FXR1: variants seen among roughly 807,000 people sequenced by gnomAD.
The protein encoded by FXR1 is RNA-binding protein FXR1.
In FXR1, 15 loss-of-function variants were observed where a neutral mutation model predicts 84.0. The observed-to-expected ratio is 0.18, with a 90% confidence interval of 0.12 to 0.27. The LOEUF is 0.27. Ranked by LOEUF, FXR1 falls within the 10% of genes least tolerant of loss-of-function variation. The pLI is 1.00. For missense variants in FXR1, 480 were observed against 774.4 expected, an observed-to-expected ratio of 0.62 and a Z score of 4.51; for synonymous variants, 245 against 250.7, an observed-to-expected ratio of 0.98 and a Z score of 0.21.
At chr3:180,960,222 T>C (rs150054430) in intron 10 of FXR1, among the ~76,000 whole-genome samples, 70 of 152,368 alleles carry the variant, frequency 4.6e-4, no homozygotes, top group Middle Eastern at 6.8e-3. Flanking sequence ...TTTACTTGAA[T>C]ACCTCTACGT....
Position 180,961,448 on chromosome 3 carries a change from T to A in FXR1, c.991-20T>A. ...TGTTAAAATATTAAACACTGAATACTTTTTTTTTTTTTTAAACAGGGTATG... is the reference window on the plus strand; with the variant it reads ...TGTTAAAATATTAAACACTGAATACATTTTTTTTTTTTTAAACAGGGTATG... On this transcript the variant is annotated intron_variant, in intron 10 of 16. Coordinates refer to ENST00000357559, the MANE Select transcript of FXR1 (RefSeq NM_005087.4). The A allele has an allele frequency of 3.9e-6, 1 of 258,662 alleles. No individual in the cohort carries two copies. The highest frequency in any genetic ancestry group is 6.4e-6 in the Non-Finnish European group (1 of 157,254). The allele number at this position is 258,662 out of a possible 1,614,324, so 16.0% of individuals were successfully genotyped here.
In FXR1 at chr3:180,977,153, A is replaced by T. The variant is rs1173121133; in HGVS notation, c.*861A>T. 6.8e-6 allele frequency: 1 copy of T among 146,628 alleles called. No homozygotes were observed. The highest frequency in any genetic ancestry group is 1.5e-5 in the Non-Finnish European group (1 of 66,698). The allele number at this position is 146,628 out of a possible 1,614,324, so 9.1% of individuals were successfully genotyped here. ...GGTAGTAAATAAACTTTGATCTTCC[A>T]TTTGCTGAATTTTTTTAACTTTCTA... On this transcript the variant is annotated 3_prime_UTR_variant, in exon 17 of 17. Coordinates refer to ENST00000357559, the MANE Select transcript of FXR1 (RefSeq NM_005087.4).
rs374315439 is a variant in FXR1 at position 180,925,359 on chromosome 3, CA to C, written c.52-7960del. On this transcript the variant is annotated intron_variant, in intron 1 of 16. Coordinates refer to ENST00000357559, the MANE Select transcript of FXR1 (RefSeq NM_005087.4). ...TGGGCAACAGAGCGAGACTCCATCT[CA>C]AAAAAAAAAAAAAAGTACATTCCTC... 3.4e-3 allele frequency among the ~76,000 whole-genome samples: 441 copies of C among 128,472 alleles called. 3 individuals carry two copies. In the Middle Eastern group the frequency reaches 0.054, roughly 16 times the overall value. The allele number at this position is 128,472 out of a possible 152,430, so 84.3% of individuals were successfully genotyped here.
intron 2 of FXR1, 30 bp from the exon 3 acceptor site, chr3:180,935,108 G>A (rs763795103): frequency 9.6e-7 from 1 of 1,045,632 alleles, no homozygotes; most frequent in Non-Finnish European, 1.5e-6. Context: ...ATATTTTTAA[G>A]TTGTTAATAC....
intron 10 of FXR1, among the ~76,000 whole-genome samples, chr3:180,960,079 G>T (rs924060303): frequency 6.6e-6 from 1 of 152,140 alleles, no homozygotes; most frequent in African/African-American, 2.4e-5. Context: ...CAGCCATTAA[G>T]AAGCTGGAAG....
rs1011505098 is a variant in FXR1 at position 180,978,452 on chromosome 3, C to G, written c.*2160C>G. The G allele has an allele frequency of 6.6e-6, 1 of 151,968 alleles. No individual in the cohort carries two copies. Among genetic ancestry groups the G allele is most frequent in the Non-Finnish European group, 1.5e-5 (1 of 67,954 alleles). 9.4% of individuals were successfully genotyped at this position (151,968 alleles called of 1,614,324 possible). ...TTGTTTTTTTAGAGAGCCCCACTCC[C>G]CAAAGGGTAGCCATTAATTCAGGTA... On this transcript the variant is annotated 3_prime_UTR_variant, in exon 17 of 17. Transcript: ENST00000357559.
At chr3:180,918,414 A>G (rs1718161436) in intron 1 of FXR1, among the ~76,000 whole-genome samples, 1 of 152,160 alleles carries the variant, frequency 6.6e-6, no homozygotes, top group Admixed American at 6.5e-5. Flanking sequence ...CTGGGATTAC[A>G]GGCATGAACC....
At chr3:180,964,277 C>T (rs1442637990) in intron 13 of FXR1, among the ~76,000 whole-genome samples, 4 of 152,168 alleles carry the variant, frequency 2.6e-5, no homozygotes, top group Non-Finnish European at 5.9e-5. Context: ...CCAGTAATCA[C>T]ATAGAAATCA....
intron 7 of FXR1, among the ~76,000 whole-genome samples, chr3:180,950,463 CGGT>C (rs1722117057): frequency 6.6e-6 from 1 of 151,828 alleles, no homozygotes; most frequent in African/African-American, 2.4e-5. Flanking sequence ...TGTGGGTTTT[CGGT>C]GGTTTTTTCT....
chr3:180,927,703 T>G (rs1198342522), intron 1 of FXR1: 1 of 486,226 alleles, frequency 2.1e-6, no homozygotes, highest in Non-Finnish European at 3.6e-6. Flanking sequence ...TAAGGTAGGA[T>G]CTACAAGACA....
intron 13 of FXR1, among the ~76,000 whole-genome samples, chr3:180,964,314 A>G (rs2108486430): frequency 6.6e-6 from 1 of 152,330 alleles, no homozygotes. Context: ...TTTTTGAACC[A>G]TACATTATTA....
chr3:180,973,024 A>C (rs1260753007), intron 15 of FXR1, among the ~76,000 whole-genome samples: 1 of 152,214 alleles, frequency 6.6e-6, no homozygotes, highest in Non-Finnish European at 1.5e-5. Context: ...CCACACTTAG[A>C]ATGTGACAAT....
rs1273116975 is a variant in FXR1 at position 180,982,443 on chromosome 3, TAAAAC to T, written c.*6152_*6156del. ...TTAAAAAAGGTAAGCCTGGAGAAAA[TAAAAC>T]TGATTACTATGCAAGAAAAAAATGT... On this transcript the variant is annotated 3_prime_UTR_variant, in exon 17 of 17. Transcript: ENST00000357559. The T allele has an allele frequency of 6.6e-6, 1 of 151,998 alleles. No individual in the cohort carries two copies. The highest frequency in any genetic ancestry group is 2.4e-5 in the African/African-American group (1 of 41,424). 9.4% of individuals were successfully genotyped at this position (151,998 alleles called of 1,614,324 possible). A position where few individuals can be genotyped will look rare whatever the true frequency, so the allele number is the denominator to read the frequency against.
At position 180,976,132 on chromosome 3, in the gene FXR1, T is replaced by G. The variant is rs746894650; in HGVS notation, c.1706T>G (p.Val569Gly). 5 of 1,605,424 alleles carry G rather than the reference T, an allele frequency of 3.1e-6. No individual in the cohort carries two copies. The South Asian group carries it at 5.6e-5, about 18-fold the overall frequency. Residue 569 changes from valine (V) to glycine (G), a missense_variant, in exon 17 of 17, where the codon GTG becomes GGG. This residue lies in a region of FXR1 where 94 missense variants were observed against 81.8 expected (regional missense o/e 1.15). Coordinates refer to ENST00000357559, the MANE Select transcript of FXR1 (RefSeq NM_005087.4). ...GTCTCCCTTTGGCAGGCAAAAGATG[T>G]GATTGAAGAGCATGGTCCTTCAGAA... ...AKNKKEMAKD[V>G]IEEHGPSEKA...
In FXR1 at chr3:180,981,798, G is replaced by A. The variant is rs1714622649; in HGVS notation, c.*5506G>A. ...ATCTTCACAATTTCAAGTTGGTCAT[G>A]TATATTTCCCTTTTACAGAGAAAGC... On this transcript the variant is annotated 3_prime_UTR_variant, in exon 17 of 17. Coordinates refer to ENST00000357559, the MANE Select transcript of FXR1 (RefSeq NM_005087.4). The A allele has an allele frequency of 6.6e-6, 1 of 152,068 alleles. No individual in the cohort carries two copies. Among genetic ancestry groups the A allele is most frequent in the African/African-American group, 2.4e-5 (1 of 41,420 alleles). The allele number at this position is 152,068 out of a possible 1,614,324, so 9.4% of individuals were successfully genotyped here.
At chr3:180,944,182 G>A (rs1177252519) in intron 3 of FXR1, among the ~76,000 whole-genome samples, 1 of 152,042 alleles carries the variant, frequency 6.6e-6, no homozygotes, top group Non-Finnish European at 1.5e-5. Flanking sequence ...CAAAGTGCTG[G>A]GATTACAGGC....
chr3:180,972,624 A>G (rs113678521), intron 15 of FXR1, among the ~76,000 whole-genome samples: 22 of 152,374 alleles, frequency 1.4e-4, no homozygotes, highest in African/African-American at 3.6e-4. Flanking sequence ...TACCAAGTCA[A>G]CAGGTATAAA....
Position 180,976,437 on chromosome 3 carries a change from C to T in FXR1, c.*145C>T. On this transcript the variant is annotated 3_prime_UTR_variant, in exon 17 of 17. Coordinates refer to ENST00000357559, the MANE Select transcript of FXR1 (RefSeq NM_005087.4). ...TTGGAATTCAAAAAGGGGAGGGATC[C>T]TGAAGAAATCATATGTTAAACATAC... The T allele has an allele frequency of 3.6e-6, 2 of 551,634 alleles. No individual in the cohort carries two copies. The highest frequency in any genetic ancestry group is 6.5e-6 in the Non-Finnish European group (2 of 310,072). 34.2% of individuals were successfully genotyped at this position (551,634 alleles called of 1,614,324 possible).
At chr3:180,969,506 C>T (rs530637605) in intron 14 of FXR1, among the ~76,000 whole-genome samples, 6 of 152,302 alleles carry the variant, frequency 3.9e-5, no homozygotes, top group African/African-American at 1.4e-4. Context: ...CTTCACATCA[C>T]CTTCCATAAT....
Sources: allele counts gnomAD v4.1 joint callset (sites outside exome capture counted in the v4.1 genomes callset), GRCh38; gene constraint gnomAD v4.1.1; regional missense constraint gnomAD v4.1.1; transcripts MANE v1.5; gene names NCBI Gene and HGNC (gene_info 2026-07-23, HGNC 2026-07-21).